Variants in WDFY3 observed in about 807,000 individuals in gnomAD.
The protein encoded by WDFY3 is WD repeat and FYVE domain-containing protein 3.
WDFY3 carries 66 observed loss-of-function variants against 409.6 expected under a neutral mutation model. The observed-to-expected ratio is 0.16, with a 90% CI of 0.13 to 0.20. The LOEUF (loss-of-function observed/expected upper bound fraction) is 0.20, where lower values mean the gene tolerates loss of function less well. Ranked by LOEUF, WDFY3 falls within the 10% of genes least tolerant of loss-of-function variation. WDFY3 has a pLI of 1.00. For synonymous variants in WDFY3, 1,521 were observed against 1,537.1 expected (o/e 0.99, Z 0.25); for missense variants, 3,031 against 4,298.1 (o/e 0.71, Z 8.24).
chr4:84,854,925 CAA>C (rs2150151423), intron 4 of WDFY3, among the ~76,000 whole-genome samples: 1 of 151,942 alleles, frequency 6.6e-6, no homozygotes, highest in East Asian at 1.9e-4. Context: ...CAAACAACGA[CAA>C]AAAATTTCTG....
intron 5 of WDFY3, among the ~76,000 whole-genome samples, chr4:84,843,000 C>T (rs184892080): frequency 2.0e-4 from 30 of 152,246 alleles, no homozygotes; most frequent in African/African-American, 6.5e-4. Flanking sequence ...CATTTTAGCA[C>T]GAAAATTTTA....
intron 44 of WDFY3, among the ~76,000 whole-genome samples, chr4:84,732,917 T>C (rs1359939032): frequency 2.0e-5 from 3 of 152,152 alleles, no homozygotes; most frequent in African/African-American, 4.8e-5. Flanking sequence ...TGCCTCACCT[T>C]ATATGATCAG....
chr4:84,812,624 G>GTATT (rs1424309050), intron 13 of WDFY3, among the ~76,000 whole-genome samples: 2 of 152,112 alleles, frequency 1.3e-5, no homozygotes, highest in African/African-American at 4.8e-5. Flanking sequence ...AATATGACAA[G>GTATT]TATTATTTTA....
intron 36 of WDFY3, among the ~76,000 whole-genome samples, chr4:84,750,711 A>G (rs1207162683): frequency 6.6e-6 from 1 of 152,176 alleles, no homozygotes; most frequent in Non-Finnish European, 1.5e-5. Context: ...CTAGGTAAAC[A>G]TTTTTTAATG....
At chr4:84,699,549 G>A (rs948719665) in intron 56 of WDFY3, among the ~76,000 whole-genome samples, 19 of 152,070 alleles carry the variant, frequency 1.2e-4, no homozygotes, top group Admixed American at 3.3e-4. Context: ...CTTGAGTTGC[G>A]TTTTCAATTC....
chr4:84,883,955 T>A (rs186355904), intron 3 of WDFY3, among the ~76,000 whole-genome samples: 1 of 152,270 alleles, frequency 6.6e-6, no homozygotes, highest in Non-Finnish European at 1.5e-5. Context: ...ATAAAATATA[T>A]ATGTATGTTT....
Position 84,765,944 on chromosome 4 carries a change from G to T in WDFY3, c.5054C>A (p.Thr1685Lys). 6.2e-7 allele frequency: 1 copy of T among 1,614,006 alleles called. No homozygotes were observed. The highest frequency in any genetic ancestry group is 8.5e-7 in the Non-Finnish European group (1 of 1,179,948). The change falls in exon 32 of 68, where the codon ACA (threonine) becomes AAA (lysine). Residue 1685 changes from threonine (T) to lysine (K), a missense_variant. Physicochemically the swap from Thr to Lys is moderately conservative, Grantham distance 78 (BLOSUM62 -1). This residue lies in a region of WDFY3 where 342 missense variants were observed against 463.7 expected (regional missense o/e 0.74). Coordinates refer to ENST00000295888, the MANE Select transcript of WDFY3 (RefSeq NM_014991.6). ...GACAACAAGAATCCTCATGGCTGCT[G>T]TAACTGTGGTGGAATGTAAGTGTTC... The part of the protein sequence containing the change: ...MEEHLHSTTV[T>K]AAMRILVVLL...
chr4:84,735,085 A>C lies in WDFY3; in HGVS notation c.6951T>G (p.Val2317=). The change falls in exon 43 of 68, where the codon GTT becomes GTG. Residue 2317 remains valine (V), a synonymous_variant. Coordinates refer to ENST00000295888, the MANE Select transcript of WDFY3 (RefSeq NM_014991.6). ...ATTGTGTATCTACTAAGTCACGAAC[A>C]ACAGCAATGTGAGTAAACATCCACT... is the stretch of plus-strand genomic sequence containing the variant. ...ISQWMFTHIA[V]VRDLVDTQYK... 1.2e-6 allele frequency: 2 copies of C among 1,613,448 alleles called. No homozygotes were observed. The highest frequency in any genetic ancestry group is 1.7e-6 in the Non-Finnish European group (2 of 1,179,922).
At chr4:84,804,141 C>G (rs998402154) in intron 15 of WDFY3, 13 of 152,216 alleles carry the variant, frequency 8.5e-5, no homozygotes, top group African/African-American at 3.1e-4. Flanking sequence ...AAAGCCCAGC[C>G]ATGTCCTGAA....
At chr4:84,862,716 G>C (rs931177382) in intron 3 of WDFY3, among the ~76,000 whole-genome samples, 1 of 152,058 alleles carries the variant, frequency 6.6e-6, no homozygotes, top group East Asian at 1.9e-4. Context: ...TGCTGGGCGC[G>C]GCGGCTGACG....
At chr4:84,925,641 G>A (rs115557399) in intron 2 of WDFY3, among the ~76,000 whole-genome samples, 4 of 152,126 alleles carry the variant, frequency 2.6e-5, no homozygotes, top group Non-Finnish European at 5.9e-5. Flanking sequence ...GAGGACAACT[G>A]GAGAATTAAG....
intron 50 of WDFY3, 151 bp from the exon 51 acceptor site, chr4:84,713,390 T>A: frequency 1.6e-6 from 1 of 641,774 alleles, no homozygotes; most frequent in Non-Finnish European, 2.7e-6. Context: ...TATATAAATT[T>A]TGGACTTCTC....
intron 64 of WDFY3, among the ~76,000 whole-genome samples, chr4:84,679,841 T>TAC (rs954549793): frequency 0.011 from 1,528 of 141,264 alleles, 11 homozygotes; most frequent in South Asian, 0.026. Flanking sequence ...TATATATATA[T>TAC]ACACACACAC....
chr4:84,881,241 GCATGGGAACATGAGACT>G (rs1354886373), intron 3 of WDFY3, among the ~76,000 whole-genome samples: 1 of 151,988 alleles, frequency 6.6e-6, no homozygotes, highest in Non-Finnish European at 1.5e-5. Context: ...TTCACAGACT[GCATGGGAACATGAGACT>G]CATTTGTGGT....
rs190940761 is a variant in WDFY3, at chr4:84,695,558, G to T, written c.8901+412C>A. On this transcript the variant is annotated intron_variant, in intron 58 of 67. Coordinates refer to ENST00000295888, the MANE Select transcript of WDFY3 (RefSeq NM_014991.6). Reference sequence around the variant, plus strand: ...GAGAGAGAGAGAGAGAGAGAGGCACGCATAGAGTAGTTTATTCTGACTGAG... The same window carrying T: ...GAGAGAGAGAGAGAGAGAGAGGCACTCATAGAGTAGTTTATTCTGACTGAG... Among the ~76,000 whole-genome samples the T allele has an allele frequency of 8.3e-5, 10 of 120,114 alleles. No homozygotes were observed. The East Asian group carries it at 1.8e-3, about 21-fold the overall frequency. 78.8% of individuals were successfully genotyped at this position (120,114 alleles called of 152,430 possible). A position where few individuals can be genotyped will look rare whatever the true frequency, so the allele number is the denominator to read the frequency against.
chr4:84,829,943 CAG>C (rs1755457553), intron 8 of WDFY3, among the ~76,000 whole-genome samples: 2 of 151,782 alleles, frequency 1.3e-5, no homozygotes, highest in Non-Finnish European at 2.9e-5. Context: ...GTTTAAAACA[CAG>C]TTATATCTTA....
At chr4:84,850,928 G>GTT in intron 4 of WDFY3, among the ~76,000 whole-genome samples, 1 of 46,250 alleles carries the variant, frequency 2.2e-5, no homozygotes, top group African/African-American at 9.2e-5. Context: ...TTATTTATCT[G>GTT]TTTTTTTTTT....
In WDFY3 at chr4:84,726,868, G is replaced by A. The variant is rs1375584833; in HGVS notation, c.7265C>T (p.Pro2422Leu). The A allele has an allele frequency of 1.9e-6, 3 of 1,606,890 alleles. No individual in the cohort carries two copies. The highest frequency in any genetic ancestry group is 2.5e-6 in the Non-Finnish European group (3 of 1,177,852). ...SKQPETPDDI[P>L]QKKPARYRRA... ...CTGTAATTTGTGTTTTACCTTTTGA[G>A]GAATATCATCGGGTGTCTCAGGCTG... is the stretch of plus-strand genomic sequence containing the variant. Residue 2422 changes from proline (P) to leucine (L), a missense_variant, in exon 45 of 68, where the codon CCT (proline) becomes CTT (leucine). Physicochemically the swap from Pro to Leu is moderately conservative, Grantham distance 98 (BLOSUM62 -3). This residue lies in a region of WDFY3 where 127 missense variants were observed against 144.4 expected (regional missense o/e 0.88). Transcript: ENST00000295888.
intron 36 of WDFY3, among the ~76,000 whole-genome samples, chr4:84,746,099 G>A (rs1313773085): frequency 2.7e-5 from 4 of 149,050 alleles, no homozygotes; most frequent in Non-Finnish European, 5.9e-5. Context: ...CTTGAACGCA[G>A]GAGTTCAAGA....
Sources: gnomAD v4.1 joint callset for allele counts (sites outside exome capture counted in the v4.1 genomes callset) on GRCh38, gnomAD v4.1.1 for gene constraint, gnomAD v4.1.1 regional missense constraint, MANE v1.5 for transcripts, NCBI Gene and HGNC (gene_info 2026-07-23, HGNC 2026-07-21) for gene names.